Variants in NME8 observed in about 807,000 individuals in gnomAD.
NME8 encodes NME/NM23 family member 8.
NME8 carries 72 observed loss-of-function variants against 82.3 expected under a neutral mutation model. The ratio of observed to expected loss-of-function variants is 0.87; its 90% CI spans 0.72 to 1.06. The LOEUF is 1.06. NME8 is among the 50% of genes least tolerant of loss of function. NME8 has a pLI of 0.00. For missense variants in NME8, 712 were observed against 685.4 expected, an observed-to-expected ratio of 1.04 and a Z score of -0.43; for synonymous variants, 267 against 228.5, an observed-to-expected ratio of 1.17 and a Z score of -1.52.
chr7:37,865,086 A>T (rs1327860417), intron 9 of NME8, among the ~76,000 whole-genome samples: 1 of 152,160 alleles, frequency 6.6e-6, no homozygotes, highest in African/African-American at 2.4e-5. Context: ...ACATTTCAAA[A>T]ACGAATCATG....
At chr7:37,861,431 C>G (rs377654278) in intron 6 of NME8, among the ~76,000 whole-genome samples, 1 of 152,194 alleles carries the variant, frequency 6.6e-6, no homozygotes, top group Non-Finnish European at 1.5e-5. Flanking sequence ...AAGTACCTTT[C>G]GTGATCTCTT....
chr7:37,849,367 C>T (rs546607288), intron 2 of NME8, among the ~76,000 whole-genome samples: 3 of 152,204 alleles, frequency 2.0e-5, no homozygotes, highest in Non-Finnish European at 4.4e-5. Flanking sequence ...TTCAGGAAAA[C>T]AAAACCTTTA....
chr7:37,884,301 A>G lies in NME8; in HGVS notation c.995-2A>G. 1 of 1,558,534 alleles carries G rather than the reference A, an allele frequency of 6.4e-7. No individual in the cohort carries two copies. Among genetic ancestry groups the G allele is most frequent in the Non-Finnish European group, 8.9e-7 (1 of 1,129,648 alleles). Reference sequence around the variant, plus strand: ...ACTTATTATGTAACTGTTTTTATTTAGATGATGTTTTGCGTATTATTAAAG... The same window carrying G: ...ACTTATTATGTAACTGTTTTTATTTGGATGATGTTTTGCGTATTATTAAAG... On this transcript the variant is annotated splice_acceptor_variant, in intron 12 of 17. Transcript: ENST00000199447. LOFTEE classifies it high-confidence loss of function.
intron 15 of NME8, among the ~76,000 whole-genome samples, chr7:37,892,419 C>A (rs536546460): frequency 6.6e-6 from 1 of 151,382 alleles, no homozygotes; most frequent in Non-Finnish European, 1.5e-5. Flanking sequence ...TTGACTTACT[C>A]AATTTTTAGT....
intron 5 of NME8, among the ~76,000 whole-genome samples, chr7:37,851,898 C>T (rs1159146841): frequency 6.6e-6 from 1 of 152,136 alleles, no homozygotes; most frequent in Non-Finnish European, 1.5e-5. Context: ...CCCTTTCAAC[C>T]CAAACATTGG....
chr7:37,871,454 G>C (rs1583634232), intron 11 of NME8, among the ~76,000 whole-genome samples: 1 of 152,166 alleles, frequency 6.6e-6, no homozygotes, highest in Non-Finnish European at 1.5e-5. Flanking sequence ...TTGCTTTCCA[G>C]TCTTTCTACA....
chr7:37,894,546 G>A lies in NME8; in HGVS notation c.1480G>A (p.Glu494Lys), dbSNP rs1260107947. The A allele has an allele frequency of 6.2e-7, 1 of 1,609,734 alleles. No individual in the cohort carries two copies. The highest frequency in any genetic ancestry group is 1.7e-5 in the Admixed American group (1 of 59,860). ...AATGTTCCTAACTCCTGAGCAAATA[G>A]AGAAAATTTATCCAAAAGTAACAGG... ...KKMFLTPEQIEKIYPKVTGKD... is the reference protein window; with the variant it reads ...KKMFLTPEQIKKIYPKVTGKD... The change falls in exon 16 of 18, where the codon GAG becomes AAG. Residue 494 changes from glutamate (E) to lysine (K), a missense_variant. Coordinates refer to ENST00000199447, the MANE Select transcript of NME8 (RefSeq NM_016616.5).
intron 9 of NME8, among the ~76,000 whole-genome samples, chr7:37,865,262 A>C (rs1784659704): frequency 6.6e-6 from 1 of 152,218 alleles, no homozygotes; most frequent in Non-Finnish European, 1.5e-5. Context: ...GGTATTGGGT[A>C]AATACAGCCA....
intron 11 of NME8, 151 bp downstream of exon 11, chr7:37,868,049 G>A (rs151112759): frequency 4.1e-6 from 3 of 728,352 alleles, no homozygotes; most frequent in East Asian, 5.4e-5. Flanking sequence ...ATATTCAGAA[G>A]AGCTGTGTGC....
At chr7:37,858,547 T>A (rs1784547164) in intron 6 of NME8, among the ~76,000 whole-genome samples, 1 of 152,114 alleles carries the variant, frequency 6.6e-6, no homozygotes, top group Non-Finnish European at 1.5e-5. Context: ...GTCTCTGGAC[T>A]GGGTTGAGGT....
At chr7:37,852,390 C>T (rs1420036906) in intron 5 of NME8, among the ~76,000 whole-genome samples, 1 of 152,056 alleles carries the variant, frequency 6.6e-6, no homozygotes, top group African/African-American at 2.4e-5. Context: ...AGTTCATTCT[C>T]GGTGTTGTAC....
intron 6 of NME8, 98 bp downstream of exon 6, chr7:37,857,443 C>G (rs1451990227): frequency 1.3e-6 from 1 of 795,388 alleles, no homozygotes; most frequent in Non-Finnish European, 2.2e-6. Context: ...TTGCCAATGA[C>G]AGTAATTACA....
intron 5 of NME8, among the ~76,000 whole-genome samples, chr7:37,852,168 T>TA (rs1167418877): frequency 6.6e-6 from 1 of 152,102 alleles, no homozygotes; most frequent in Non-Finnish European, 1.5e-5. Flanking sequence ...TTTAATTTTT[T>TA]AAAAAATGTC....
At chr7:37,857,129 GT>G in intron 5 of NME8, 144 bp from the exon 6 acceptor site, 1 of 650,826 alleles carries the variant, frequency 1.5e-6, no homozygotes, top group Non-Finnish European at 2.7e-6. Context: ...AGTATGTGCA[GT>G]TTGATCCCTA....
At chr7:37,886,175 TA>T (rs1168422590) in intron 14 of NME8, among the ~76,000 whole-genome samples, 1 of 152,158 alleles carries the variant, frequency 6.6e-6, no homozygotes, top group East Asian at 1.9e-4. Context: ...TGAAGGATAA[TA>T]AGCATAGAAC....
intron 6 of NME8, among the ~76,000 whole-genome samples, chr7:37,858,768 G>T (rs1222672476): frequency 6.6e-6 from 1 of 152,132 alleles, no homozygotes; most frequent in Non-Finnish European, 1.5e-5. Flanking sequence ...ATATAGTTTG[G>T]ATATTTGTTT....
intron 15 of NME8, among the ~76,000 whole-genome samples, chr7:37,892,013 T>G (rs1286877648): frequency 6.6e-6 from 1 of 152,052 alleles, no homozygotes; most frequent in African/African-American, 2.4e-5. Context: ...TGGATAGAAA[T>G]AATCCTAGGC....
At position 37,862,064 on chromosome 7, in the gene NME8, G is replaced by A; in HGVS notation, c.307G>A (p.Ala103Thr). Residue 103 changes from alanine (A) to threonine (T), a missense_variant, in exon 7 of 18, where the codon GCA (alanine) becomes ACA (threonine). Transcript: ENST00000199447. ...TATCGAAAAGATTCAGGGTGCAAAT[G>A]CACCGCTTGTTAATAAAAAAGTTAT... ...KIIEKIQGANAPLVNKKVINL... is the reference protein window; with the variant it reads ...KIIEKIQGANTPLVNKKVINL... 1 of 1,613,710 alleles carries A rather than the reference G, an allele frequency of 6.2e-7. No individual in the cohort carries two copies.
chr7:37,875,805 C>T (rs1243759065), intron 11 of NME8, among the ~76,000 whole-genome samples: 2 of 151,480 alleles, frequency 1.3e-5, no homozygotes, highest in African/African-American at 2.4e-5. Context: ...CGGCTAAGTA[C>T]CTAAGGAGGG....
Sources: allele counts gnomAD v4.1 joint callset (sites outside exome capture counted in the v4.1 genomes callset), GRCh38; gene constraint gnomAD v4.1.1; transcripts MANE v1.5; gene names NCBI Gene and HGNC (gene_info 2026-07-23, HGNC 2026-07-21).